The following CDHR2 variants were observed in gnomAD, a reference collection of about 807,000 sequenced individuals.
The protein encoded by CDHR2 is cadherin related family member 2.
A neutral mutation model predicts 138.6 loss-of-function variants in CDHR2; 104 were observed. That is an observed-to-expected ratio of 0.75 (90% CI 0.64 to 0.88). The LOEUF (loss-of-function observed/expected upper bound fraction) is 0.88, where lower values mean the gene tolerates loss of function less well. Ranked by LOEUF, CDHR2 falls within the 40% of genes least tolerant of loss-of-function variation. The pLI, the probability that CDHR2 is intolerant of heterozygous loss-of-function variation, is 0.00. For synonymous variants in CDHR2, 755 were observed against 742.8 expected (o/e 1.02, Z -0.27); for missense variants, 1,624 against 1,727.6 (o/e 0.94, Z 1.06).
At chr5:176,575,681 A>G in intron 10 of CDHR2, 43 bp from the exon 11 acceptor site, 1 of 1,594,948 alleles carries the variant, frequency 6.3e-7, no homozygotes, top group Non-Finnish European at 8.6e-7. Flanking sequence ...CGTCAGAGCC[A>G]CTGGAGCAGC....
intron 5 of CDHR2, among the ~76,000 whole-genome samples, chr5:176,570,723 G>A (rs565390925): frequency 2.6e-5 from 4 of 152,262 alleles, no homozygotes; most frequent in South Asian, 4.1e-4. Flanking sequence ...ACGCCAAGGC[G>A]GGCAGATCAC....
At position 176,588,640 on chromosome 5, in the gene CDHR2, A is replaced by T. The variant is rs76827061; in HGVS notation, c.2857-391A>T. On this transcript the variant is annotated intron_variant, in intron 21 of 31. Transcript: ENST00000261944. ...GTAAGTGTGTGTTAGGGTGAGACTGAGTGTGAGTGGGACAGTGTGTGAGAG... is the reference window on the plus strand; with the variant it reads ...GTAAGTGTGTGTTAGGGTGAGACTGTGTGTGAGTGGGACAGTGTGTGAGAG... 1.7e-3 allele frequency among the ~76,000 whole-genome samples: 150 copies of T among 89,666 alleles called. 1 individual carries two copies. Among genetic ancestry groups the T allele is most frequent in the Non-Finnish European group, 1.5e-3 (60 of 40,670 alleles). 58.8% of individuals were successfully genotyped at this position (89,666 alleles called of 152,430 possible). A position where few individuals can be genotyped will look rare whatever the true frequency, so the allele number is the denominator to read the frequency against.
intron 5 of CDHR2, among the ~76,000 whole-genome samples, chr5:176,569,985 C>T (rs1267011185): frequency 3.3e-5 from 5 of 151,034 alleles, no homozygotes; most frequent in African/African-American, 7.3e-5. Context: ...ACAGATAAAA[C>T]GAAAGTCCCC....
intron 1 of CDHR2, among the ~76,000 whole-genome samples, chr5:176,551,916 A>G (rs975029009): frequency 6.7e-6 from 1 of 150,316 alleles, no homozygotes; most frequent in Admixed American, 6.7e-5. Flanking sequence ...GCGTTTCACC[A>G]TGTTAGCCAG....
chr5:176,549,025 G>C (rs1032898504), upstream of CDHR2, among the ~76,000 whole-genome samples: 2 of 152,162 alleles, frequency 1.3e-5, no homozygotes. Context: ...CTCGTAGCAG[G>C]GAGGGGACGG....
intron 8 of CDHR2, 25 bp downstream of exon 8, chr5:176,575,234 G>T: frequency 6.2e-7 from 1 of 1,614,120 alleles, no homozygotes. Context: ...CGGCAGGCGG[G>T]CCTAGGACCC....
intron 30 of CDHR2, among the ~76,000 whole-genome samples, chr5:176,592,517 A>AGTGGTG (rs142561887): frequency 1.0e-5 from 1 of 100,054 alleles, no homozygotes; most frequent in Non-Finnish European, 2.2e-5. Context: ...TTATGATGAT[A>AGTGGTG]GTGGTGGTGG....
intron 6 of CDHR2, among the ~76,000 whole-genome samples, chr5:176,572,527 A>C (rs13362320): frequency 0.05 from 7,686 of 152,308 alleles, 651 homozygotes; most frequent in African/African-American, 0.17. Context: ...ATTTTAGGTC[A>C]TGTGCTATCC....
rs1758607213 is a variant in CDHR2, at chr5:176,584,522, G to C, written c.2241G>C (p.Leu747Phe). Reference protein sequence around the residue: ...SGANYFMIRGLVLGAGWAEGY... With the variant: ...SGANYFMIRGFVLGAGWAEGY... Reference sequence around the variant, plus strand: ...CCAACTACTTCATGATCCGAGGCTTGGTGCTGGGGGCTGGGTGGGCTGAGG... The same window carrying C: ...CCAACTACTTCATGATCCGAGGCTTCGTGCTGGGGGCTGGGTGGGCTGAGG... Residue 747 changes from leucine to phenylalanine, a missense_variant, in exon 19 of 32, where the codon TTG becomes TTC. Physicochemically the swap from Leu to Phe is conservative, Grantham distance 22. Coordinates refer to ENST00000261944, the MANE Select transcript of CDHR2 (RefSeq NM_017675.6). The C allele has an allele frequency of 3.1e-6, 5 of 1,613,532 alleles. No individual in the cohort carries two copies. Among genetic ancestry groups the C allele is most frequent in the Non-Finnish European group, 4.2e-6 (5 of 1,179,744 alleles).
At chr5:176,591,729 GA>G in intron 30 of CDHR2, 1 of 443,246 alleles carries the variant, frequency 2.3e-6, no homozygotes, top group Non-Finnish European at 4.2e-6. Flanking sequence ...AGGTGATGGT[GA>G]TGGTTGTGAT....
Position 176,571,207 on chromosome 5 carries a change from T to G in CDHR2, c.316-6T>G, listed in dbSNP as rs6867593. 0.22 allele frequency: 355,797 copies of G among 1,603,502 alleles called. 42,845 individuals carry two copies. The highest frequency in any genetic ancestry group is 0.48 in the East Asian group (21,624 of 44,674). On this transcript the variant is annotated splice_region_variant and splice_polypyrimidine_tract_variant and intron_variant, in intron 5 of 31. Transcript: ENST00000261944. ...TCTGGGGTCCCCTGGGCTTTCTCAC[T>G]TGCAGGTGCAGAGGGAGATGCTGGT...
chr5:176,565,158 T>TC, intron 1 of CDHR2, 180 bp from the exon 2 acceptor site: 2 of 592,306 alleles, frequency 3.4e-6, no homozygotes, highest in Non-Finnish European at 3.0e-6. Flanking sequence ...CCACCTGGCC[T>TC]CCCCCTTGGT....
rs199716990 is a variant in CDHR2, at chr5:176,573,261, TG to T, written c.406-816del. Reference sequence around the variant, plus strand: ...AGTCTGGACTGTGATCTGGGCAGAATGGGGGGACTCTTGGGGGATTTGAAGG... The same window carrying T: ...AGTCTGGACTGTGATCTGGGCAGAATGGGGGACTCTTGGGGGATTTGAAGG... On this transcript the variant is annotated intron_variant, in intron 6 of 31. Coordinates refer to ENST00000261944, the MANE Select transcript of CDHR2 (RefSeq NM_017675.6). Among the ~76,000 whole-genome samples the T allele has an allele frequency of 1.4e-3, 208 of 149,858 alleles. No homozygotes were observed. The East Asian group carries it at 0.021, about 15-fold the overall frequency.
At chr5:176,558,219 T>TAA (rs1561866988) in intron 1 of CDHR2, among the ~76,000 whole-genome samples, 7 of 144,126 alleles carry the variant, frequency 4.9e-5, no homozygotes, top group African/African-American at 1.8e-4. Context: ...TTCTTATTTT[T>TAA]TTTTTTTTTT....
chr5:176,576,254 C>T lies in CDHR2; in HGVS notation c.1194+69C>T, dbSNP rs935117106. The T allele has an allele frequency of 1.8e-5, 23 of 1,270,634 alleles. No individual in the cohort carries two copies. The highest frequency in any genetic ancestry group is 5.6e-5 in the Admixed American group (3 of 53,908). The allele number at this position is 1,270,634 out of a possible 1,614,324, so 78.7% of individuals were successfully genotyped here. On this transcript the variant is annotated intron_variant, in intron 12 of 31. Coordinates refer to ENST00000261944, the MANE Select transcript of CDHR2 (RefSeq NM_017675.6). The surrounding 1 kb of genome is among the most constrained non-coding windows in gnomAD (Gnocchi z 4.5). ...GCCAGTGGGAGCCTGGATCGAGTGA[C>T]GGTGTCATGTGGTGCTGGGTGGCGG...
intron 3 of CDHR2, among the ~76,000 whole-genome samples, chr5:176,566,205 G>A (rs1244640817): frequency 2.0e-5 from 3 of 152,136 alleles, no homozygotes; most frequent in African/African-American, 7.2e-5. Context: ...GTCTATGGCA[G>A]GTGAGATGGG....
chr5:176,582,205 A>T (rs1476413232), intron 17 of CDHR2, among the ~76,000 whole-genome samples: 2 of 152,016 alleles, frequency 1.3e-5, no homozygotes, highest in African/African-American at 4.8e-5. Flanking sequence ...ATTTTTGTAG[A>T]GATGGGGTTT....
chr5:176,555,886 G>A lies in CDHR2; in HGVS notation c.-16+6472G>A, dbSNP rs1360050739. ...ACTGCCCTCCAGCCTGGGAGACAGAGTAAGACTCCATCTCAAAACAAACAA... is the reference window on the plus strand; with the variant it reads ...ACTGCCCTCCAGCCTGGGAGACAGAATAAGACTCCATCTCAAAACAAACAA... On this transcript the variant is annotated intron_variant, in intron 1 of 31. Coordinates refer to ENST00000261944, the MANE Select transcript of CDHR2 (RefSeq NM_017675.6). Among the ~76,000 whole-genome samples the A allele has an allele frequency of 3.4e-5, 5 of 145,994 alleles. No homozygotes were observed. In the East Asian group the frequency reaches 8.1e-4, roughly 24 times the overall value.
intron 17 of CDHR2, among the ~76,000 whole-genome samples, chr5:176,583,830 C>T (rs550793024): frequency 4.6e-5 from 7 of 152,194 alleles, no homozygotes; most frequent in South Asian, 4.1e-4. Flanking sequence ...ACAATAAATC[C>T]GAGAGATGGG....
Sources: allele counts gnomAD v4.1 joint callset (sites outside exome capture counted in the v4.1 genomes callset), GRCh38; gene constraint gnomAD v4.1.1; non-coding constraint Gnocchi (gnomAD v3.1); transcripts MANE v1.5; gene names NCBI Gene and HGNC (gene_info 2026-07-23, HGNC 2026-07-21).